TTN: variants seen among roughly 807,000 people sequenced by gnomAD.
TTN encodes titin, also known as connectin.
TTN carries 1,525 observed loss-of-function variants against 3,223.0 expected under a neutral mutation model. The observed-to-expected ratio is 0.47, with a 90% CI of 0.45 to 0.49. The LOEUF is 0.49. Among genes scored for constraint, TTN ranks in the 20% least tolerant of loss-of-function variants. The probability of loss-of-function intolerance (pLI) is 0.00; values close to 1 mark genes in which losing one functional copy is unlikely to be tolerated. For missense variants in TTN, 40,786 were observed against 43,424.0 expected, an observed-to-expected ratio of 0.94 and a Z score of 5.40; for synonymous variants, 14,094 against 15,161.0, an observed-to-expected ratio of 0.93 and a Z score of 5.17.
intron 6 of TTN, chr2:178,799,067 C>T (rs2093914055): frequency 5.2e-6 from 1 of 190,546 alleles, no homozygotes; most frequent in African/African-American, 2.3e-5. Flanking sequence ...TTGTCACCTG[C>T]TACATTTTTG....
rs1215032026 is a variant in TTN at position 178,550,871 on chromosome 2, TTGTTTC to T, written c.91564+90_91564+95del. On this transcript the variant is annotated intron_variant, in intron 336 of 362. Coordinates refer to ENST00000589042, the MANE Select transcript of TTN (RefSeq NM_001267550.2). Reference sequence around the variant, plus strand: ...CATCCACTTAGCAACCTTGGGTAATTTGTTTCTGTTACCATTTTACAGGCCAGGGGC... The same window carrying T: ...CATCCACTTAGCAACCTTGGGTAATTTGTTACCATTTTACAGGCCAGGGGC... 5.2e-6 allele frequency: 6 copies of T among 1,164,692 alleles called. 1 individual carries two copies. Among genetic ancestry groups the T allele is most frequent in the Non-Finnish European group, 7.2e-6 (6 of 831,706 alleles). 72.1% of individuals were successfully genotyped at this position (1,164,692 alleles called of 1,614,324 possible).
intron 121 of TTN, among the ~76,000 whole-genome samples, chr2:178,690,564 C>T (rs1406427964): frequency 6.6e-6 from 1 of 151,956 alleles, no homozygotes; most frequent in East Asian, 1.9e-4. Flanking sequence ...AAAATGTTTA[C>T]AGTGTATTTG....
chr2:178,628,945 T>C (rs1442123349), intron 240 of TTN, among the ~76,000 whole-genome samples: 1 of 152,116 alleles, frequency 6.6e-6, no homozygotes, highest in East Asian at 1.9e-4. Context: ...TCTTAAAACT[T>C]AATGTGCACC....
rs72650070 is a variant in TTN at position 178,644,329 on chromosome 2, C to T, written c.40477+219G>A. Reference sequence around the variant, plus strand: ...TGCAAGAAGACATATGTAGATGAGACAAAGATAGACCATGTCTATACATGT... The same window carrying T: ...TGCAAGAAGACATATGTAGATGAGATAAAGATAGACCATGTCTATACATGT... On this transcript the variant is annotated intron_variant, in intron 218 of 362. Transcript: ENST00000589042. The T allele has an allele frequency of 9.0e-4, 365 of 405,288 alleles. 1 individual carries two copies. The highest frequency in any genetic ancestry group is 6.5e-3 in the South Asian group (81 of 12,464). The allele number at this position is 405,288 out of a possible 1,614,324, so 25.1% of individuals were successfully genotyped here.
At position 178,792,811 on chromosome 2, in the gene TTN, A is replaced by G. The variant is rs567036878; in HGVS notation, c.1536+593T>C. 2.2e-4 allele frequency among the ~76,000 whole-genome samples: 33 copies of G among 152,322 alleles called. No individual in the cohort carries two copies. The South Asian group carries it at 6.6e-3, about 31-fold the overall frequency. ...CAAGGCTGAAAGGGACTTGAAATTC[A>G]TCTTCTCAAACCACCCAACTGCCAA... On this transcript the variant is annotated intron_variant, in intron 9 of 362. Coordinates refer to ENST00000589042, the MANE Select transcript of TTN (RefSeq NM_001267550.2).
Position 178,633,940 on chromosome 2 carries a change from C to T in TTN, c.42559G>A (p.Val14187Ile). ...NDAKLHTSRT[V>I]LISSEGKTHK... ...GTCTTGCCCTCAGAAGAGATGAGTACTGTTCTGCTTGTATGGAGTTTGGCA... is the reference window on the plus strand; with the variant it reads ...GTCTTGCCCTCAGAAGAGATGAGTATTGTTCTGCTTGTATGGAGTTTGGCA... The change falls in exon 231 of 363, where the codon GTA becomes ATA. Residue 14187 changes from valine to isoleucine, a missense_variant. Val to Ile is a conservative substitution (Grantham distance 29). Coordinates refer to ENST00000589042, the MANE Select transcript of TTN (RefSeq NM_001267550.2). 2 of 1,613,400 alleles carry T rather than the reference C, an allele frequency of 1.2e-6. No individual in the cohort carries two copies. The highest frequency in any genetic ancestry group is 1.7e-6 in the Non-Finnish European group (2 of 1,179,568).
Position 178,688,778 on chromosome 2 carries a change from G to A in TTN, c.32096C>T (p.Ala10699Val). The A allele has an allele frequency of 6.3e-7, 1 of 1,592,054 alleles. No homozygotes were observed. Among genetic ancestry groups the A allele is most frequent in the Non-Finnish European group, 8.6e-7 (1 of 1,161,720 alleles). ...PVAKKAPPPRAEVSKKTVVEE... is the reference protein window; with the variant it reads ...PVAKKAPPPRVEVSKKTVVEE... ...TACAACAGTTTTCTTAGAGACTTCA[G>A]CTTTAAGAAAGTGTTAAAGTTGAAG... Residue 10699 changes from alanine to valine, a missense_variant and splice_region_variant, in exon 126 of 363, where the codon GCT becomes GTT. Ala to Val is a moderately conservative substitution (Grantham distance 64). Coordinates refer to ENST00000589042, the MANE Select transcript of TTN (RefSeq NM_001267550.2).
chr2:178,614,860 A>T lies in TTN; in HGVS notation c.48747T>A (p.Ala16249=), dbSNP rs1202534187. ...KPSRPTEEIQ[A]VDTQEAPEIF... ...AAAAATAGATACCTTGTGTGTCCACAGCCTGGATTTCCTCTGTGGGTCTGC... is the reference window on the plus strand; with the variant it reads ...AAAAATAGATACCTTGTGTGTCCACTGCCTGGATTTCCTCTGTGGGTCTGC... Residue 16249 remains alanine, a synonymous_variant, in exon 260 of 363, where the codon GCT becomes GCA. Coordinates refer to ENST00000589042, the MANE Select transcript of TTN (RefSeq NM_001267550.2). 1 of 1,572,566 alleles carries T rather than the reference A, an allele frequency of 6.4e-7. No individual in the cohort carries two copies. The highest frequency in any genetic ancestry group is 2.3e-5 in the East Asian group (1 of 42,806).
In TTN at chr2:178,543,516, T is replaced by G. The variant is rs761414958; in HGVS notation, c.96457A>C (p.Lys32153Gln). Residue 32153 changes from lysine (K) to glutamine (Q), a missense_variant, in exon 347 of 363, where the codon AAA becomes CAA. Physicochemically the swap from Lys to Gln is moderately conservative, Grantham distance 53. Coordinates refer to ENST00000589042, the MANE Select transcript of TTN (RefSeq NM_001267550.2). ...TTGCTGCATTTGGTAGTTACTGTTT[T>G]GAATGCTCTCATAGCAGCTTCACGC... ...EKREAAMRAF[K>Q]TVTTKCSKTL... 6.2e-6 allele frequency: 10 copies of G among 1,613,456 alleles called. No individual in the cohort carries two copies. In the South Asian group the frequency reaches 9.9e-5, roughly 16 times the overall value.
In TTN at chr2:178,537,626, G is replaced by A. The variant is rs140025425; in HGVS notation, c.99581C>T (p.Pro33194Leu). Residue 33194 changes from proline to leucine, a missense_variant, in exon 355 of 363, where the codon CCG (proline) becomes CTG (leucine). Transcript: ENST00000589042. The part of the protein sequence containing the change: ...TSSKLLLQAT[P>L]QFHPGYPLKE... ...CAGTGGGTAACCAGGATGGAACTGC[G>A]GTGTTGCTTGCAGGAGAAGCTTACT... The A allele has an allele frequency of 2.6e-5, 42 of 1,613,694 alleles. No individual in the cohort carries two copies. Among genetic ancestry groups the A allele is most frequent in the Admixed American group, 2.2e-4 (13 of 60,002 alleles).
chr2:178,558,002 T>G lies in TTN; in HGVS notation c.87352A>C (p.Thr29118Pro), dbSNP rs767023377. The change falls in exon 328 of 363, where the codon ACT becomes CCT. Residue 29118 changes from threonine (T) to proline (P), a missense_variant. Transcript: ENST00000589042. ...VTADAGRYEI[T>P]AANSSGTTKA... ...GTTGTACCACTGGAGTTGGCAGCAGTGATTTCATATCTCCCAGCGTCAGCT... is the reference window on the plus strand; with the variant it reads ...GTTGTACCACTGGAGTTGGCAGCAGGGATTTCATATCTCCCAGCGTCAGCT... 3 of 1,613,672 alleles carry G rather than the reference T, an allele frequency of 1.9e-6. No individual in the cohort carries two copies. The East Asian group carries it at 6.7e-5, about 36-fold the overall frequency.
At position 178,575,884 on chromosome 2, in the gene TTN, G is replaced by A; in HGVS notation, c.70248C>T (p.Thr23416=). The A allele has an allele frequency of 6.2e-7, 1 of 1,613,518 alleles. No homozygotes were observed. Among genetic ancestry groups the A allele is most frequent in the Non-Finnish European group, 8.5e-7 (1 of 1,179,610 alleles). The part of the protein sequence containing the change: ...NRYDTGKFVM[T]IENPAGKKSG... ...TTTTCTTCCCAGCCGGGTTTTCAATGGTCATGACAAATTTACCGGTATCAT... is the reference window on the plus strand; with the variant it reads ...TTTTCTTCCCAGCCGGGTTTTCAATAGTCATGACAAATTTACCGGTATCAT... Residue 23416 remains threonine (T), a synonymous_variant, in exon 326 of 363, where the codon ACC becomes ACT. Coordinates refer to ENST00000589042, the MANE Select transcript of TTN (RefSeq NM_001267550.2). The surrounding 1 kb of genome is among the most constrained non-coding windows in gnomAD (Gnocchi z 4.0).
chr2:178,613,932 G>A lies in TTN; in HGVS notation c.49351C>T (p.Pro16451Ser), dbSNP rs1171196645. Residue 16451 changes from proline to serine, a missense_variant, in exon 263 of 363, where the codon CCT (proline) becomes TCT (serine). Transcript: ENST00000589042. ...GGTTCTAGGCGAGTTGGAGGACCAG[G>A]TGGATCTATAGACAGGATAATGGTG... ...PITAKYQFDP[P>S]GPPTRLEPSD... 1 of 1,607,856 alleles carries A rather than the reference G, an allele frequency of 6.2e-7. No individual in the cohort carries two copies. Among genetic ancestry groups the A allele is most frequent in the Non-Finnish European group, 8.5e-7 (1 of 1,176,926 alleles).
rs1452366684 is a variant in TTN, at chr2:178,745,498, G to T, written c.11312-3577C>A. 3.8e-6 allele frequency: 6 copies of T among 1,563,614 alleles called. No individual in the cohort carries two copies. The Admixed American group carries it at 1.1e-4, about 29-fold the overall frequency. On this transcript the variant is annotated intron_variant, in intron 47 of 362. Transcript: ENST00000589042. ...GAATTCAAATATGGTGGACCTGTTTGGAAGTTTATTAGATCCACATAATTT... is the reference window on the plus strand; with the variant it reads ...GAATTCAAATATGGTGGACCTGTTTTGAAGTTTATTAGATCCACATAATTT...
At position 178,689,307 on chromosome 2, in the gene TTN, A is replaced by C; in HGVS notation, c.31994T>G (p.Val10665Gly). 1.2e-6 allele frequency: 2 copies of C among 1,613,004 alleles called. No individual in the cohort carries two copies. Among genetic ancestry groups the C allele is most frequent in the Middle Eastern group, 1.7e-4 (1 of 6,042 alleles). ...RKPVPRKEEE[V>G]PPPPKVPALP... ...AACAATACCTTTTGGTGGTGGTGGA[A>C]CTTCTTCCTCCTTCCGAGGAACAGG... The change falls in exon 124 of 363, where the codon GTT (valine) becomes GGT (glycine). Residue 10665 changes from valine to glycine, a missense_variant. Val to Gly is a moderately radical substitution (Grantham distance 109, BLOSUM62 -3). Transcript: ENST00000589042.
Position 178,672,218 on chromosome 2 carries a change from T to C in TTN, c.34980A>G (p.Val11660=), listed in dbSNP as rs770447687. The C allele has an allele frequency of 1.6e-5, 25 of 1,566,210 alleles. No individual in the cohort carries two copies. Among genetic ancestry groups the C allele is most frequent in the Non-Finnish European group, 2.0e-5 (23 of 1,154,440 alleles). The change falls in exon 155 of 363, where the codon GTA becomes GTG. Residue 11660 remains valine (V), a synonymous_variant. Transcript: ENST00000589042. ...CTAATTCTAGTCTTTCTTTTACTAC[T>C]ACTTCTTGGCGGAAGGCAACTGATA... is the stretch of plus-strand genomic sequence containing the variant. ...EKVSVAFRQE[V]VVKERLELEV...
chr2:178,719,207 A>C lies in TTN; in HGVS notation c.24183T>G (p.Asn8061Lys), dbSNP rs1376169033. The change falls in exon 83 of 363, where the codon AAT becomes AAG. Residue 8061 changes from asparagine (N) to lysine (K), a missense_variant. Transcript: ENST00000589042. Reference protein sequence around the residue: ...DTGIYTCVAANVAGSDECSAV... With the variant: ...DTGIYTCVAAKVAGSDECSAV... Reference sequence around the variant, plus strand: ...CTGAGCACTCATCGGAACCAGCTACATTGGCAGCCACACACGTGTATATGC... The same window carrying C: ...CTGAGCACTCATCGGAACCAGCTACCTTGGCAGCCACACACGTGTATATGC... 6.2e-7 allele frequency: 1 copy of C among 1,613,624 alleles called. No individual in the cohort carries two copies. The highest frequency in any genetic ancestry group is 8.5e-7 in the Non-Finnish European group (1 of 1,179,744).
chr2:178,713,701 C>T, intron 92 of TTN, 196 bp downstream of exon 92: 1 of 833,768 alleles, frequency 1.2e-6, no homozygotes, highest in East Asian at 2.7e-5. Context: ...TTGGAAATTC[C>T]TCAAAAAGAA....
Position 178,566,539 on chromosome 2 carries a change from T to G in TTN, c.79593A>C (p.Glu26531Asp). 1 of 1,613,380 alleles carries G rather than the reference T, an allele frequency of 6.2e-7. No individual in the cohort carries two copies. The highest frequency in any genetic ancestry group is 8.5e-7 in the Non-Finnish European group (1 of 1,179,682). ...GTGGAGTAACTATTTGCCATTCTTCTTCATCTGCTTTACAGATTTCTACTA... is the reference window on the plus strand; with the variant it reads ...GTGGAGTAACTATTTGCCATTCTTCGTCATCTGCTTTACAGATTTCTACTA... ...GYVVEICKADEEEWQIVTPQT... is the reference protein window; with the variant it reads ...GYVVEICKADDEEWQIVTPQT... Residue 26531 changes from glutamate (E) to aspartate (D), a missense_variant, in exon 326 of 363, where the codon GAA (glutamate) becomes GAC (aspartate). Glu to Asp is a conservative substitution (Grantham distance 45). Coordinates refer to ENST00000589042, the MANE Select transcript of TTN (RefSeq NM_001267550.2).
Sources: allele counts gnomAD v4.1 joint callset (sites outside exome capture counted in the v4.1 genomes callset), GRCh38; gene constraint gnomAD v4.1.1; non-coding constraint Gnocchi (gnomAD v3.1); transcripts MANE v1.5; gene names NCBI Gene and HGNC (gene_info 2026-07-23, HGNC 2026-07-21).